Variants in COL28A1 observed in about 807,000 individuals in gnomAD.
COL28A1 encodes collagen alpha-1(XXVIII) chain.
A neutral mutation model predicts 150.2 loss-of-function variants in COL28A1; 161 were observed. The ratio of observed to expected loss-of-function variants is 1.07; its 90% CI spans 0.94 to 1.22. The LOEUF is 1.22. COL28A1 is among the 50% of genes most tolerant of loss of function. The probability of loss-of-function intolerance (pLI) is 0.00; values close to 1 mark genes in which losing one functional copy is unlikely to be tolerated. For synonymous variants in COL28A1, 552 were observed against 469.7 expected (o/e 1.18, Z -2.26); for missense variants, 1,617 against 1,388.3 (o/e 1.16, Z -2.62).
At chr7:7,400,985 T>TGTGTGTGG (rs1562554321) in intron 27 of COL28A1, among the ~76,000 whole-genome samples, 1 of 139,470 alleles carries the variant, frequency 7.2e-6, no homozygotes, top group Non-Finnish European at 1.6e-5. Flanking sequence ...GGTGTGTGTG[T>TGTGTGTGG]GTGTGTGTGT....
At chr7:7,455,813 TC>T (rs1381157596) in intron 16 of COL28A1, among the ~76,000 whole-genome samples, 1 of 152,210 alleles carries the variant, frequency 6.6e-6, no homozygotes. Context: ...ATGTTAAAAG[TC>T]ACAGCATCAA....
chr7:7,468,543 G>A (rs2128344225), intron 15 of COL28A1, among the ~76,000 whole-genome samples: 1 of 105,562 alleles, frequency 9.5e-6, no homozygotes, highest in African/African-American at 4.3e-5. Flanking sequence ...GGAGGAACTG[G>A]TACCATTCCT....
chr7:7,510,259 T>C lies in COL28A1; in HGVS notation c.927+832A>G, dbSNP rs190496448. 7.2e-5 allele frequency among the ~76,000 whole-genome samples: 11 copies of C among 152,168 alleles called. No homozygotes were observed. The East Asian group carries it at 1.9e-3, about 27-fold the overall frequency. ...TCTTTAACATAATATTATTTCCAAA[T>C]TTAAGTGCTTTCATTATTGATTGAT... On this transcript the variant is annotated intron_variant, in intron 9 of 34. Coordinates refer to ENST00000399429, the MANE Select transcript of COL28A1 (RefSeq NM_001037763.3).
At chr7:7,358,896 T>C in intron 34 of COL28A1, 91 bp from the exon 35 acceptor site, 4 of 1,072,580 alleles carry the variant, frequency 3.7e-6, no homozygotes, top group Non-Finnish European at 5.3e-6. Context: ...AAATAAACTT[T>C]ATTCTTCATG....
intron 27 of COL28A1, among the ~76,000 whole-genome samples, chr7:7,391,791 G>T (rs1782556960): frequency 7.7e-6 from 1 of 129,550 alleles, no homozygotes; most frequent in Non-Finnish European, 1.6e-5. Flanking sequence ...GACTAGGATT[G>T]CAACCCCTGC....
chr7:7,503,986 T>G (rs1780671066), intron 11 of COL28A1, among the ~76,000 whole-genome samples: 1 of 152,190 alleles, frequency 6.6e-6, no homozygotes, highest in Admixed American at 6.5e-5. Flanking sequence ...AGAGAGGCCC[T>G]TGGGAAATTG....
chr7:7,487,814 T>C (rs528668577), intron 13 of COL28A1, among the ~76,000 whole-genome samples: 1 of 152,344 alleles, frequency 6.6e-6, no homozygotes, highest in Non-Finnish European at 1.5e-5. Flanking sequence ...GAAATGATGC[T>C]GTATAATTTC....
At chr7:7,438,805 A>T (rs1460162496) in intron 21 of COL28A1, among the ~76,000 whole-genome samples, 1 of 152,236 alleles carries the variant, frequency 6.6e-6, no homozygotes, top group African/African-American at 2.4e-5. Flanking sequence ...TCTCTACGGT[A>T]GGTGGGCCAA....
chr7:7,398,209 T>C (rs1248588186), intron 27 of COL28A1, among the ~76,000 whole-genome samples: 1 of 152,214 alleles, frequency 6.6e-6, no homozygotes, highest in Non-Finnish European at 1.5e-5. Flanking sequence ...AGGCCATTCT[T>C]CTGATAGTCA....
downstream of COL28A1, among the ~76,000 whole-genome samples, chr7:7,351,692 T>C (rs991048860): frequency 6.6e-6 from 1 of 152,092 alleles, no homozygotes; most frequent in South Asian, 2.1e-4. Context: ...AAATGATGAG[T>C]ACATATAGAC....
chr7:7,346,789 G>A, the COL28A1 span, among the ~76,000 whole-genome samples: 7 of 152,112 alleles, frequency 4.6e-5, no homozygotes, highest in African/African-American at 9.6e-5. Flanking sequence ...AAGGGCTTAA[G>A]AAAGATATTC....
At chr7:7,484,977 G>A (rs948163061) in intron 13 of COL28A1, among the ~76,000 whole-genome samples, 5 of 152,128 alleles carry the variant, frequency 3.3e-5, no homozygotes, top group Admixed American at 2.6e-4. Context: ...CCCACTTGAA[G>A]GTGGAGGGTG....
At chr7:7,356,964 C>A (rs1418558522), downstream of COL28A1, 7 of 152,242 alleles carry the variant, frequency 4.6e-5, no homozygotes, top group East Asian at 1.2e-3. Flanking sequence ...GCTATTCTTC[C>A]ATCTCCTTCT....
intron 10 of COL28A1, 79 bp downstream of exon 10, chr7:7,507,038 T>C: frequency 1.3e-6 from 1 of 765,556 alleles, no homozygotes; most frequent in Admixed American, 2.0e-5. Context: ...TGGCAGAGGG[T>C]GCAAGTGGGC....
intron 11 of COL28A1, among the ~76,000 whole-genome samples, chr7:7,494,663 G>T (rs1780108980): frequency 6.6e-6 from 1 of 152,162 alleles, no homozygotes; most frequent in African/African-American, 2.4e-5. Context: ...TTGAATATCA[G>T]GTTACCTAAT....
chr7:7,464,945 C>T (rs901770221), intron 15 of COL28A1, among the ~76,000 whole-genome samples: 16 of 151,984 alleles, frequency 1.1e-4, no homozygotes, highest in Admixed American at 2.0e-4. Context: ...CAATTAGAAA[C>T]GAAACAGGAG....
intron 27 of COL28A1, among the ~76,000 whole-genome samples, chr7:7,414,778 C>T (rs920881003): frequency 6.6e-6 from 1 of 152,202 alleles, no homozygotes; most frequent in Non-Finnish European, 1.5e-5. Context: ...TCATTCTTCT[C>T]TGACTTCCAG....
intron 23 of COL28A1, among the ~76,000 whole-genome samples, chr7:7,434,192 C>T (rs1785182445): frequency 6.6e-6 from 1 of 152,084 alleles, no homozygotes; most frequent in Admixed American, 6.5e-5. Context: ...AAATATGTGG[C>T]CACTTATAAA....
chr7:7,409,748 G>A (rs1276549301), intron 27 of COL28A1, among the ~76,000 whole-genome samples: 1 of 152,254 alleles, frequency 6.6e-6, no homozygotes. Context: ...ATTCAAAAAC[G>A]TGATTTCAAA....
Sources: allele counts gnomAD v4.1 joint callset (sites outside exome capture counted in the v4.1 genomes callset), GRCh38; gene constraint gnomAD v4.1.1; transcripts MANE v1.5; gene names NCBI Gene and HGNC (gene_info 2026-07-23, HGNC 2026-07-21).